ROBO2: variants seen among roughly 807,000 people sequenced by gnomAD.
The protein encoded by ROBO2 is roundabout guidance receptor 2, also known as roundabout homolog 2.
In ROBO2, 53 loss-of-function variants were observed where a neutral mutation model predicts 160.8. The ratio of observed to expected loss-of-function variants is 0.33; its 90% confidence interval spans 0.26 to 0.41. ROBO2 has a LOEUF of 0.41. ROBO2 is among the 10% of genes least tolerant of loss of function. ROBO2 has a pLI of 1.00. For synonymous variants in ROBO2, 664 were observed against 611.7 expected (o/e 1.09, Z -1.26); for missense variants, 1,577 against 1,722.4 (o/e 0.92, Z 1.49).
chr3:76,666,395 G>C (rs986392336), intron 2 of ROBO2, among the ~76,000 whole-genome samples: 3 of 152,048 alleles, frequency 2.0e-5, no homozygotes, highest in African/African-American at 7.2e-5. Flanking sequence ...TCTGCCTGAT[G>C]ACACTTATTT....
chr3:77,302,547 C>T (rs568913208), intron 2 of ROBO2, among the ~76,000 whole-genome samples: 38 of 152,088 alleles, frequency 2.5e-4, no homozygotes, highest in Non-Finnish European at 3.4e-4. Context: ...AATTAATATG[C>T]GTTCTTGGCT....
chr3:77,434,179 T>G (rs1477549007), intron 2 of ROBO2, among the ~76,000 whole-genome samples: 1 of 152,126 alleles, frequency 6.6e-6, no homozygotes, highest in Non-Finnish European at 1.5e-5. Flanking sequence ...CTTCCTCCTG[T>G]GTGTTCTCCT....
intron 2 of ROBO2, among the ~76,000 whole-genome samples, chr3:77,387,554 GA>G (rs1211492975): frequency 6.6e-6 from 1 of 151,218 alleles, no homozygotes; most frequent in East Asian, 2.0e-4. Flanking sequence ...ACTGCTGCCT[GA>G]AATTTTCTGA....
intron 2 of ROBO2, among the ~76,000 whole-genome samples, chr3:76,151,731 T>C (rs1207741061): frequency 1.3e-5 from 2 of 152,150 alleles, no homozygotes; most frequent in African/African-American, 4.8e-5. Context: ...AAACACTTGA[T>C]TACGTCTTTT....
At chr3:77,512,728 GA>G (rs2089549771) in intron 5 of ROBO2, among the ~76,000 whole-genome samples, 1 of 151,894 alleles carries the variant, frequency 6.6e-6, no homozygotes, top group African/African-American at 2.4e-5. Context: ...TTTACTTTCT[GA>G]AAGAGTCTGA....
chr3:76,064,298 T>C (rs761758238), intron 2 of ROBO2, among the ~76,000 whole-genome samples: 4 of 152,144 alleles, frequency 2.6e-5, no homozygotes, highest in African/African-American at 4.8e-5. Context: ...TGACACATAT[T>C]ATGAAGGTTA....
Position 76,388,455 on chromosome 3 carries a change from T to C in ROBO2, c.109+450853T>C, listed in dbSNP as rs896910116. ...CCCGGCTAATTTTTTGTATTTTTAG[T>C]AGAGACGGGGTTCCACCGTGTTAGC... is the stretch of plus-strand genomic sequence containing the variant. On this transcript the variant is annotated intron_variant, in intron 2 of 26. Coordinates refer to the ROBO2 transcript ENST00000487694. Among the ~76,000 whole-genome samples, 7 of 152,072 alleles carry C rather than the reference T, an allele frequency of 4.6e-5. No individual in the cohort carries two copies. The South Asian group carries it at 1.2e-3, about 27-fold the overall frequency.
chr3:77,047,422 C>T (rs554900657), intron 1 of ROBO2, among the ~76,000 whole-genome samples: 6 of 152,082 alleles, frequency 3.9e-5, no homozygotes, highest in Admixed American at 6.5e-5. Context: ...TGGTGGCTCA[C>T]GCCTGTAATC....
chr3:77,425,845 T>C (rs2078147824), intron 2 of ROBO2, among the ~76,000 whole-genome samples: 1 of 151,844 alleles, frequency 6.6e-6, no homozygotes. Context: ...TGTATTTTAG[T>C]AGAGACAGGG....
chr3:77,087,831 C>A (rs2069547706), intron 1 of ROBO2, among the ~76,000 whole-genome samples: 1 of 151,520 alleles, frequency 6.6e-6, no homozygotes, highest in African/African-American at 2.4e-5. Context: ...TATATATATA[C>A]ACACACACAT....
chr3:76,743,954 A>G (rs891921345), intron 2 of ROBO2, among the ~76,000 whole-genome samples: 2 of 152,126 alleles, frequency 1.3e-5, no homozygotes, highest in African/African-American at 4.8e-5. Flanking sequence ...TGGGTTTTGT[A>G]ATTAGGAAAA....
chr3:77,598,897 A>G (rs2094371686), intron 19 of ROBO2, among the ~76,000 whole-genome samples: 1 of 152,144 alleles, frequency 6.6e-6, no homozygotes, highest in Admixed American at 6.5e-5. Context: ...TTGTATTTTT[A>G]TTGAAATAAT....
At chr3:76,925,082 C>T (rs2076895527) in intron 2 of ROBO2, among the ~76,000 whole-genome samples, 2 of 150,630 alleles carry the variant, frequency 1.3e-5, no homozygotes, top group African/African-American at 2.4e-5. Flanking sequence ...GTGGCGGGCA[C>T]CTGTAGTCCC....
intron 1 of ROBO2, among the ~76,000 whole-genome samples, chr3:75,928,690 A>T (rs548064091): frequency 1.3e-5 from 2 of 152,348 alleles, no homozygotes; most frequent in South Asian, 2.1e-4. Context: ...AGTTGCTCAC[A>T]GTCTCCATAG....
chr3:77,022,987 G>A (rs555660954), intron 2 of ROBO2, among the ~76,000 whole-genome samples: 1 of 151,968 alleles, frequency 6.6e-6, no homozygotes, highest in Non-Finnish European at 1.5e-5. Flanking sequence ...CACCATTCTA[G>A]TTTCAGTCTC....
intron 2 of ROBO2, among the ~76,000 whole-genome samples, chr3:76,982,759 T>C (rs949829428): frequency 2.0e-4 from 30 of 152,196 alleles, no homozygotes; most frequent in African/African-American, 7.2e-4. Context: ...TTCTATACAT[T>C]AAAATACAGT....
chr3:75,941,428 A>T (rs1269587831), intron 2 of ROBO2, among the ~76,000 whole-genome samples: 1 of 152,222 alleles, frequency 6.6e-6, no homozygotes, highest in Non-Finnish European at 1.5e-5. Context: ...ATAATTTTAG[A>T]GTTTTTGTAA....
chr3:77,536,393 T>C (rs2092104670), intron 6 of ROBO2, among the ~76,000 whole-genome samples: 1 of 151,972 alleles, frequency 6.6e-6, no homozygotes, highest in Non-Finnish European at 1.5e-5. Flanking sequence ...TCTTTCCCTC[T>C]CTCTCTTCTT....
At chr3:77,086,701 A>C (rs2069368252) in intron 1 of ROBO2, among the ~76,000 whole-genome samples, 1 of 152,142 alleles carries the variant, frequency 6.6e-6, no homozygotes, top group Non-Finnish European at 1.5e-5. Context: ...GGCTAAAATC[A>C]GTCATTGTGT....
Sources: allele counts gnomAD v4.1 joint callset (sites outside exome capture counted in the v4.1 genomes callset), GRCh38; gene constraint gnomAD v4.1.1; transcripts MANE v1.5; gene names NCBI Gene and HGNC (gene_info 2026-07-23, HGNC 2026-07-21).